The following PDE1A variants were observed in gnomAD, a reference collection of about 807,000 sequenced individuals.
PDE1A encodes dual specificity calcium/calmodulin-dependent 3',5'-cyclic nucleotide phosphodiesterase 1A.
In PDE1A, 35 loss-of-function variants were observed where a neutral mutation model predicts 61.7. The ratio of observed to expected loss-of-function variants is 0.57; its 90% CI spans 0.43 to 0.75. The LOEUF (loss-of-function observed/expected upper bound fraction) is 0.75, where lower values mean the gene tolerates loss of function less well. Ranked by LOEUF, PDE1A falls within the 30% of genes least tolerant of loss-of-function variation. The pLI is 0.00. For synonymous variants in PDE1A, 232 were observed against 213.2 expected (o/e 1.09, Z -0.77); for missense variants, 597 against 630.6 (o/e 0.95, Z 0.57).
chr2:182,176,999 C>A (rs190517278), intron 13 of PDE1A, among the ~76,000 whole-genome samples: 14,690 of 150,042 alleles, frequency 0.098, 923 homozygotes, highest in Non-Finnish European at 0.15. Flanking sequence ...TATTGATTTG[C>A]GTATATTGAA....
chr2:182,228,692 A>G (rs1689331411), intron 6 of PDE1A, among the ~76,000 whole-genome samples: 1 of 152,152 alleles, frequency 6.6e-6, no homozygotes, highest in South Asian at 2.1e-4. Context: ...ACATTCATAA[A>G]CTCATGTTGT....
rs200137752 is a variant in PDE1A at position 182,157,016 on chromosome 2, T to TA, written c.1517-9865_1517-9864insT. ...TTATTATTATTTTATTTTATTTTAT[T>TA]TTATTTTTTTTTTTTTGAGACAGAG... On this transcript the variant is annotated intron_variant, in intron 13 of 13. Transcript: ENST00000409365. Among the ~76,000 whole-genome samples, 282 of 82,920 alleles carry TA rather than the reference T, an allele frequency of 3.4e-3. 5 individuals are homozygous for TA. The highest frequency in any genetic ancestry group is 0.029 in the South Asian group (72 of 2,498). The allele number at this position is 82,920 out of a possible 152,430, so 54.4% of individuals were successfully genotyped here.
At chr2:182,157,360 G>A (rs1442846065) in intron 13 of PDE1A, among the ~76,000 whole-genome samples, 2 of 152,020 alleles carry the variant, frequency 1.3e-5, no homozygotes, top group African/African-American at 2.4e-5. Flanking sequence ...CCATGGCTAA[G>A]CATCCATTGT....
intron 2 of PDE1A, among the ~76,000 whole-genome samples, chr2:182,474,242 G>A (rs1687218408): frequency 6.6e-6 from 1 of 151,938 alleles, no homozygotes; most frequent in Non-Finnish European, 1.5e-5. Context: ...TATGATGAAA[G>A]TTTTACTCTT....
intron 13 of PDE1A, among the ~76,000 whole-genome samples, chr2:182,174,168 A>G (rs1692510291): frequency 6.6e-6 from 1 of 151,996 alleles, no homozygotes. Flanking sequence ...ACTGCTATTC[A>G]TTCTCCCTGA....
At chr2:182,535,649 G>C in the PDE1A span, among the ~76,000 whole-genome samples, 1 of 152,086 alleles carries the variant, frequency 6.6e-6, no homozygotes, top group African/African-American at 2.4e-5. Context: ...CTTTTTAAAT[G>C]TATGTACATT....
At chr2:182,493,214 G>C (rs1688499832) in intron 2 of PDE1A, among the ~76,000 whole-genome samples, 1 of 139,414 alleles carries the variant, frequency 7.2e-6, no homozygotes. Context: ...TAATCGGCAA[G>C]AGGACTTTCT....
chr2:182,443,934 C>G (rs942329006), intron 2 of PDE1A, among the ~76,000 whole-genome samples: 14 of 151,994 alleles, frequency 9.2e-5, no homozygotes, highest in Admixed American at 9.2e-4. Context: ...AACTCCTGAC[C>G]TCAGGTGATC....
At chr2:182,359,945 G>A (rs1213481955) in intron 1 of PDE1A, among the ~76,000 whole-genome samples, 3 of 152,080 alleles carry the variant, frequency 2.0e-5, no homozygotes, top group Non-Finnish European at 2.9e-5. Flanking sequence ...GTTCAAACCT[G>A]CAATTTCTAA....
intron 1 of PDE1A, among the ~76,000 whole-genome samples, chr2:182,270,735 A>G (rs1425387852): frequency 1.3e-5 from 2 of 151,386 alleles, no homozygotes; most frequent in Non-Finnish European, 3.0e-5. Flanking sequence ...ATATATTAAT[A>G]TTAACATTAA....
chr2:182,661,756 A>G, the PDE1A span, among the ~76,000 whole-genome samples: 244 of 152,312 alleles, frequency 1.6e-3, 1 homozygote, highest in African/African-American at 5.6e-3. Context: ...TAAACTAGCA[A>G]TAAATAGCTG....
intron 10 of PDE1A, among the ~76,000 whole-genome samples, chr2:182,192,330 A>G (rs1203174497): frequency 2.0e-5 from 3 of 152,128 alleles, no homozygotes; most frequent in Non-Finnish European, 2.9e-5. Context: ...TTTCACTGTC[A>G]AAGCACATTG....
intron 2 of PDE1A, among the ~76,000 whole-genome samples, chr2:182,445,091 A>G (rs1259449045): frequency 6.6e-6 from 1 of 152,172 alleles, no homozygotes; most frequent in Non-Finnish European, 1.5e-5. Context: ...CAGTGCGACT[A>G]AATGAGTTTA....
At chr2:182,648,349 A>C in the PDE1A span, among the ~76,000 whole-genome samples, 1 of 151,712 alleles carries the variant, frequency 6.6e-6, no homozygotes, top group Non-Finnish European at 1.5e-5. Context: ...AAGGCCTCAC[A>C]GTTTGTGGCA....
At chr2:182,440,858 C>T (rs1684744942) in intron 2 of PDE1A, among the ~76,000 whole-genome samples, 1 of 151,738 alleles carries the variant, frequency 6.6e-6, no homozygotes, top group Non-Finnish European at 1.5e-5. Context: ...GGTTTAATTA[C>T]TGTAGCTTTT....
chr2:182,183,379 C>A (rs1219753450), intron 13 of PDE1A, among the ~76,000 whole-genome samples: 1 of 152,184 alleles, frequency 6.6e-6, no homozygotes, highest in African/African-American at 2.4e-5. Context: ...GAACCTGTGA[C>A]CTTCTTGCCT....
At chr2:182,417,027 A>G (rs1290369292) in intron 1 of PDE1A, among the ~76,000 whole-genome samples, 3 of 152,224 alleles carry the variant, frequency 2.0e-5, no homozygotes, top group Non-Finnish European at 2.9e-5. Context: ...CATGGGTGAC[A>G]ATACACAGTC....
intron 2 of PDE1A, among the ~76,000 whole-genome samples, chr2:182,496,087 T>G (rs1372504489): frequency 6.6e-6 from 1 of 152,248 alleles, no homozygotes; most frequent in East Asian, 1.9e-4. Context: ...GGAATTTGTT[T>G]TATCTACCCT....
chr2:182,477,631 T>C lies in PDE1A; in HGVS notation c.101+44645A>G. 1.3e-5 allele frequency among the ~76,000 whole-genome samples: 2 copies of C among 151,854 alleles called. 1 individual carries two copies. Among genetic ancestry groups the C allele is most frequent in the Non-Finnish European group, 2.9e-5 (2 of 67,876 alleles). ...GGGTTGAAGGTTAACTGGCATTTGT[T>C]TGAAACTGCACACAAATTTTCACAT... On this transcript the variant is annotated intron_variant, in intron 2 of 14. Coordinates refer to the PDE1A transcript ENST00000410103.
Sources: gnomAD v4.1 joint callset for allele counts (sites outside exome capture counted in the v4.1 genomes callset) on GRCh38, gnomAD v4.1.1 for gene constraint, MANE v1.5 for transcripts, NCBI Gene and HGNC (gene_info 2026-07-23, HGNC 2026-07-21) for gene names.